Variants in SLC36A1 observed in about 807,000 individuals in gnomAD.
SLC36A1 encodes proton-coupled amino acid transporter 1.
Under a neutral mutation model 47.5 loss-of-function variants are expected in SLC36A1, and 30 were observed. The ratio of observed to expected loss-of-function variants is 0.63; its 90% CI spans 0.47 to 0.86. The LOEUF is 0.86. Ranked by LOEUF, SLC36A1 falls within the 40% of genes least tolerant of loss-of-function variation. The pLI is 0.00. For missense variants in SLC36A1, 517 were observed against 606.0 expected (o/e 0.85, Z 1.54); for synonymous variants, 255 against 249.7 (o/e 1.02, Z -0.20).
upstream of SLC36A1, among the ~76,000 whole-genome samples, chr5:151,445,175 G>A (rs924886399): frequency 3.9e-5 from 6 of 152,080 alleles, no homozygotes; most frequent in Non-Finnish European, 8.8e-5. Context: ...TGTTGGGGTG[G>A]GGGTTAGGGA....
the SLC36A1 span, among the ~76,000 whole-genome samples, chr5:151,389,704 C>T: frequency 5.3e-5 from 8 of 151,978 alleles, no homozygotes; most frequent in African/African-American, 1.9e-4. Context: ...TAATGGTTTC[C>T]AGCTTCATCC....
chr5:151,349,405 C>CA, the SLC36A1 span, among the ~76,000 whole-genome samples: 1 of 152,182 alleles, frequency 6.6e-6, no homozygotes, highest in African/African-American at 2.4e-5. Context: ...TGGGGATGTC[C>CA]AAAATAAGCC....
the SLC36A1 span, chr5:151,554,564 T>C: frequency 6.2e-7 from 1 of 1,614,162 alleles, no homozygotes; most frequent in Non-Finnish European, 8.5e-7. Context: ...AAGGCGGACA[T>C]TGAAGAGCTT....
chr5:151,528,241 A>G, the SLC36A1 span: 7 of 1,369,942 alleles, frequency 5.1e-6, no homozygotes, highest in Middle Eastern at 2.2e-4. Context: ...TTGGGCTAGC[A>G]GTGCCTGGAT....
the SLC36A1 span, chr5:151,512,830 G>T: frequency 1.8e-6 from 1 of 567,660 alleles, no homozygotes; most frequent in South Asian, 2.2e-5. This position sits in a 1 kb window ranked among gnomAD's most constrained non-coding sequence, Gnocchi z 4.1. Flanking sequence ...TGGGTAGGGG[G>T]TGACATCTCC....
At chr5:151,421,081 G>A in the SLC36A1 span, among the ~76,000 whole-genome samples, 1 of 151,546 alleles carries the variant, frequency 6.6e-6, no homozygotes, top group Non-Finnish European at 1.5e-5. Context: ...CACCGTGTTA[G>A]CCAGGATGGT....
At chr5:151,454,710 C>CCTT in intron 1 of SLC36A1, among the ~76,000 whole-genome samples, 2 of 107,926 alleles carry the variant, frequency 1.9e-5, no homozygotes, top group South Asian at 6.5e-4. Flanking sequence ...CATGTGACAG[C>CCTT]TTTTTTTTTT....
chr5:151,554,769 G>C, the SLC36A1 span: 1 of 935,204 alleles, frequency 1.1e-6, no homozygotes. Flanking sequence ...TTGTTCTTTG[G>C]TATGAGCTTG....
chr5:151,449,378 A>G (rs192340143), intron 1 of SLC36A1, among the ~76,000 whole-genome samples: 138 of 152,328 alleles, frequency 9.1e-4, no homozygotes, highest in Non-Finnish European at 1.5e-3. Context: ...CTTGAAGTCA[A>G]GTGGAAAGGG....
chr5:151,515,046 C>A, the SLC36A1 span, among the ~76,000 whole-genome samples: 1 of 152,122 alleles, frequency 6.6e-6, no homozygotes, highest in East Asian at 1.9e-4. Flanking sequence ...TTTCCTGTCC[C>A]TTTTCCGCAA....
upstream of SLC36A1, among the ~76,000 whole-genome samples, chr5:151,444,546 C>T (rs958071876): frequency 1.3e-5 from 2 of 151,982 alleles, no homozygotes; most frequent in African/African-American, 4.8e-5. Flanking sequence ...GCTGAAGGGG[C>T]GCGATCTCAG....
intron 1 of SLC36A1, among the ~76,000 whole-genome samples, chr5:151,449,264 T>C (rs368650394): frequency 5.9e-5 from 9 of 152,280 alleles, no homozygotes; most frequent in East Asian, 3.8e-4. Context: ...CTGTCTGTTA[T>C]TATTTTAAAC....
At chr5:151,371,650 T>C in the SLC36A1 span, among the ~76,000 whole-genome samples, 3 of 152,218 alleles carry the variant, frequency 2.0e-5, no homozygotes, top group Non-Finnish European at 4.4e-5. Context: ...AACAGAAATT[T>C]GGAAAAGCAA....
upstream of SLC36A1, among the ~76,000 whole-genome samples, chr5:151,432,556 A>G (rs778314355): frequency 4.2e-4 from 64 of 152,194 alleles, 1 homozygote; most frequent in Admixed American, 1.4e-3. Flanking sequence ...TGGTTATTCA[A>G]TTAAACACTA....
chr5:151,525,795 A>G, the SLC36A1 span: 1 of 1,613,980 alleles, frequency 6.2e-7, no homozygotes, highest in Admixed American at 1.7e-5. Flanking sequence ...ACCATTCCTG[A>G]GCCCTCCTGC....
Position 151,465,140 on chromosome 5 carries a change from C to T in SLC36A1, c.390C>T (p.Ser130=). The T allele has an allele frequency of 6.2e-7, 1 of 1,614,220 alleles. No homozygotes were observed. Among genetic ancestry groups the T allele is most frequent in the South Asian group, 1.1e-5 (1 of 91,074 alleles). ...VMYGLESSPC[S]WLRNHAHWGR... ...ATGGACTAGAATCCAGCCCCTGCTC[C>T]TGGCTCCGGAACCACGCACACTGGG... The change falls in exon 5 of 11, where the codon TCC becomes TCT. Residue 130 remains serine (S), a synonymous_variant. Transcript: ENST00000243389.
At chr5:151,451,470 C>G (rs570437143) in intron 1 of SLC36A1, among the ~76,000 whole-genome samples, 42 of 152,136 alleles carry the variant, frequency 2.8e-4, no homozygotes, top group Admixed American at 2.0e-3. Flanking sequence ...CTTAGATCAC[C>G]ATCTCCAAGG....
rs2278374 is a variant in SLC36A1 at position 151,476,830 on chromosome 5, C to T, written c.989+74C>T. The T allele has an allele frequency of 7.8e-3, 12,056 of 1,549,588 alleles. 512 individuals are homozygous for T. In the East Asian group the frequency reaches 0.14, roughly 18 times the overall value. Reference sequence around the variant, plus strand: ...ACTAATGGGTCACAGTGTGGATTCTCCCTCTTACTTATCTCTTAAACCAGC... The same window carrying T: ...ACTAATGGGTCACAGTGTGGATTCTTCCTCTTACTTATCTCTTAAACCAGC... On this transcript the variant is annotated intron_variant, in intron 9 of 10. Transcript: ENST00000243389.
chr5:151,552,431 A>C, the SLC36A1 span, among the ~76,000 whole-genome samples: 1 of 152,026 alleles, frequency 6.6e-6, no homozygotes, highest in African/African-American at 2.4e-5. Flanking sequence ...ATCCTATCCT[A>C]CTCTTAGCCA....
Sources: gnomAD v4.1 joint callset for allele counts (sites outside exome capture counted in the v4.1 genomes callset) on GRCh38, gnomAD v4.1.1 for gene constraint, Gnocchi (gnomAD v3.1) non-coding constraint, MANE v1.5 for transcripts, NCBI Gene and HGNC (gene_info 2026-07-23, HGNC 2026-07-21) for gene names.